FNDC3A: variants seen among roughly 807,000 people sequenced by gnomAD.
FNDC3A encodes fibronectin type III domain containing 3A, also known as fibronectin type-III domain-containing protein 3A.
Under a neutral mutation model 148.9 loss-of-function variants are expected in FNDC3A, and 32 were observed. The observed-to-expected ratio is 0.21, with a 90% confidence interval of 0.16 to 0.29. FNDC3A has a LOEUF of 0.29. FNDC3A is among the 10% of genes least tolerant of loss of function. The pLI, the probability that FNDC3A is intolerant of heterozygous loss-of-function variation, is 1.00. For synonymous variants in FNDC3A, 472 were observed against 473.6 expected (o/e 1.00, Z 0.04); for missense variants, 1,191 against 1,452.8 (o/e 0.82, Z 2.93).
intron 3 of FNDC3A, among the ~76,000 whole-genome samples, chr13:49,093,059 A>C (rs1440182647): frequency 6.6e-6 from 1 of 152,140 alleles, no homozygotes; most frequent in Non-Finnish European, 1.5e-5. Context: ...CTAAAGAATA[A>C]TTTTTACCTG....
chr13:49,178,546 A>T (rs1442078689), intron 13 of FNDC3A, 22 bp from the exon 14 acceptor site: 9 of 1,424,614 alleles, frequency 6.3e-6, no homozygotes, highest in South Asian at 2.4e-5. Context: ...TCGAATGAAG[A>T]CTTTGTTTTT....
intron 5 of FNDC3A, among the ~76,000 whole-genome samples, chr13:49,132,743 G>A (rs1882108276): frequency 6.6e-6 from 1 of 152,252 alleles, no homozygotes; most frequent in South Asian, 2.1e-4. Context: ...CGGTCCCTGT[G>A]TACATGGTGT....
At chr13:49,187,897 C>T (rs1198959321) in intron 16 of FNDC3A, among the ~76,000 whole-genome samples, 1 of 151,982 alleles carries the variant, frequency 6.6e-6, no homozygotes, top group East Asian at 1.9e-4. Context: ...TTTTTGTTCT[C>T]ATTTATTTAC....
At chr13:49,047,502 G>A (rs1875508781) in intron 2 of FNDC3A, among the ~76,000 whole-genome samples, 1 of 152,140 alleles carries the variant, frequency 6.6e-6, no homozygotes, top group African/African-American at 2.4e-5. Flanking sequence ...GCTGGAGTCA[G>A]TTGGTATTGC....
At chr13:49,005,303 C>G (rs988799615) in intron 1 of FNDC3A, among the ~76,000 whole-genome samples, 4 of 151,786 alleles carry the variant, frequency 2.6e-5, no homozygotes, top group African/African-American at 7.2e-5. Flanking sequence ...TGTAAACATT[C>G]CAAAATGTTT....
chr13:49,179,205 C>T (rs1344015251), intron 14 of FNDC3A, among the ~76,000 whole-genome samples: 3 of 150,906 alleles, frequency 2.0e-5, no homozygotes, highest in African/African-American at 7.3e-5. Context: ...TGTGACCAAA[C>T]ATCTTTTAAA....
Position 49,171,159 on chromosome 13 carries a change from T to A in FNDC3A, c.1177-884T>A, listed in dbSNP as rs555080487. On this transcript the variant is annotated intron_variant, in intron 10 of 25. Coordinates refer to ENST00000492622, the MANE Select transcript of FNDC3A (RefSeq NM_001079673.2). ...TGCTAACCAGTTTAAAATTATAATT[T>A]AAAAAAAATTAATGTAAGATCTGTA... 5.9e-5 allele frequency among the ~76,000 whole-genome samples: 9 copies of A among 152,166 alleles called. No homozygotes were observed. In the South Asian group the frequency reaches 6.2e-4, roughly 11 times the overall value.
intron 3 of FNDC3A, among the ~76,000 whole-genome samples, chr13:49,112,542 C>G (rs1379044941): frequency 6.6e-6 from 1 of 152,130 alleles, no homozygotes; most frequent in Non-Finnish European, 1.5e-5. Flanking sequence ...GATGTAAAGA[C>G]AACAAAGGCC....
chr13:49,202,887 G>A (rs1233828646), intron 24 of FNDC3A, among the ~76,000 whole-genome samples: 2 of 152,172 alleles, frequency 1.3e-5, no homozygotes, highest in Non-Finnish European at 2.9e-5. Flanking sequence ...ATGCCTGTGT[G>A]TGTAGCTGCA....
intron 1 of FNDC3A, among the ~76,000 whole-genome samples, chr13:49,005,495 T>C (rs928167303): frequency 1.5e-5 from 2 of 134,540 alleles, no homozygotes; most frequent in Non-Finnish European, 3.3e-5. Flanking sequence ...TTTGTAAATA[T>C]ATGTTTTTTT....
At chr13:49,160,254 T>C (rs1019456121) in intron 8 of FNDC3A, among the ~76,000 whole-genome samples, 1 of 152,116 alleles carries the variant, frequency 6.6e-6, no homozygotes, top group Non-Finnish European at 1.5e-5. Context: ...GTCCTGGGCT[T>C]TTTTTGGTTG....
intron 3 of FNDC3A, among the ~76,000 whole-genome samples, chr13:49,108,812 C>T (rs1168263475): frequency 6.6e-6 from 1 of 152,102 alleles, no homozygotes; most frequent in East Asian, 1.9e-4. Context: ...CCTTTGGTCT[C>T]GTTTTTCAGG....
intron 11 of FNDC3A, 151 bp from the exon 12 acceptor site, chr13:49,174,284 A>G (rs963375353): frequency 2.5e-5 from 15 of 588,398 alleles, no homozygotes; most frequent in South Asian, 7.7e-5. Flanking sequence ...GATCTATATC[A>G]TATAAAAGAT....
chr13:49,049,545 T>C (rs956600151), intron 2 of FNDC3A, among the ~76,000 whole-genome samples: 3 of 152,138 alleles, frequency 2.0e-5, no homozygotes, highest in Admixed American at 6.6e-5. Flanking sequence ...TAGGAGGCTG[T>C]ATATTTCCAG....
intron 3 of FNDC3A, among the ~76,000 whole-genome samples, chr13:49,079,005 G>T (rs1878297826): frequency 6.6e-6 from 1 of 152,114 alleles, no homozygotes; most frequent in Non-Finnish European, 1.5e-5. Context: ...TTGAATTAAA[G>T]TCCATTCTTT....
At chr13:49,163,597 C>T (rs1303164515) in intron 8 of FNDC3A, among the ~76,000 whole-genome samples, 2 of 152,196 alleles carry the variant, frequency 1.3e-5, no homozygotes, top group African/African-American at 4.8e-5. Flanking sequence ...GTGGGTGAGG[C>T]TATGCCCCAC....
chr13:49,000,495 T>C lies in FNDC3A; in HGVS notation c.-39-5657T>C, dbSNP rs546167674. Among the ~76,000 whole-genome samples, 19 of 152,348 alleles carry C rather than the reference T, an allele frequency of 1.2e-4. 1 individual carries two copies. The South Asian group carries it at 3.3e-3, about 27-fold the overall frequency. On this transcript the variant is annotated intron_variant, in intron 1 of 25. Transcript: ENST00000492622. ...TGATTCCTGTGGCTTTGTAATATGC[T>C]TTGAAATCAGGAAGTGTGAGTCCTT...
intron 2 of FNDC3A, chr13:49,043,993 A>G (rs1022365794): frequency 6.6e-6 from 1 of 152,276 alleles, no homozygotes; most frequent in East Asian, 1.9e-4. Context: ...TTTACCAGAA[A>G]AGCATATTAA....
In FNDC3A at chr13:49,207,622, T is replaced by C; in HGVS notation, c.*227T>C. ...GTTTTTTTTGTTAGGGTGGGTCTTC[T>C]TTTTTTCTTTCCCTCTCTCTTTTTT... is the stretch of plus-strand genomic sequence containing the variant. On this transcript the variant is annotated 3_prime_UTR_variant, in exon 26 of 26. Transcript: ENST00000492622. 2.5e-6 allele frequency: 1 copy of C among 395,672 alleles called. No individual in the cohort carries two copies. 24.5% of individuals were successfully genotyped at this position (395,672 alleles called of 1,614,324 possible).
Sources: allele counts gnomAD v4.1 joint callset (sites outside exome capture counted in the v4.1 genomes callset), GRCh38; gene constraint gnomAD v4.1.1; transcripts MANE v1.5; gene names NCBI Gene and HGNC (gene_info 2026-07-23, HGNC 2026-07-21).